MRC1: variants seen among roughly 807,000 people sequenced by gnomAD.
MRC1 encodes the protein macrophage mannose receptor 1.
MRC1 carries 62 observed loss-of-function variants against 102.9 expected under a neutral mutation model. The observed-to-expected ratio is 0.60, with a 90% confidence interval of 0.49 to 0.74. The LOEUF (loss-of-function observed/expected upper bound fraction) is 0.74, where lower values mean the gene tolerates loss of function less well. MRC1 is among the 30% of genes least tolerant of loss of function. The pLI is 0.00. For missense variants in MRC1, 1,237 were observed against 862.8 expected (o/e 1.43, Z -5.43); for synonymous variants, 457 against 298.4 (o/e 1.53, Z -5.48).
In MRC1 at chr10:17,884,073, C is replaced by T. The variant is rs973524389; in HGVS notation, c.2981-1196C>T. Among the ~76,000 whole-genome samples, 1,269 of 152,244 alleles carry T rather than the reference C, an allele frequency of 8.3e-3. 23 individuals carry two copies. Among genetic ancestry groups the T allele is most frequent in the African/African-American group, 0.028 (1,170 of 41,542 alleles). Reference sequence around the variant, plus strand: ...CCTCGACCTCCTGGGCTCAAGTAATCCTCCTGCCTCAGCCTTTTGAGAAGC... The same window carrying T: ...CCTCGACCTCCTGGGCTCAAGTAATTCTCCTGCCTCAGCCTTTTGAGAAGC... On this transcript the variant is annotated intron_variant, in intron 21 of 29. Transcript: ENST00000569591.
At chr10:17,887,099 C>T (rs1009387856) in intron 22 of MRC1, among the ~76,000 whole-genome samples, 78 of 152,278 alleles carry the variant, frequency 5.1e-4, no homozygotes, top group Non-Finnish European at 8.8e-4. Context: ...GTTGCTGTGT[C>T]TGTGAAGTAG....
At chr10:17,853,970 T>C (rs1833037300) in intron 8 of MRC1, among the ~76,000 whole-genome samples, 1 of 152,066 alleles carries the variant, frequency 6.6e-6, no homozygotes, top group South Asian at 2.1e-4. Flanking sequence ...TGTTGTTGTT[T>C]GTTTGTTTGT....
intron 7 of MRC1, among the ~76,000 whole-genome samples, chr10:17,852,208 A>G (rs1054860123): frequency 6.6e-6 from 1 of 152,214 alleles, no homozygotes; most frequent in African/African-American, 2.4e-5. Context: ...AATGTTCTCC[A>G]TAGAATTTCA....
At chr10:17,900,350 G>C (rs1375268009) in intron 24 of MRC1, among the ~76,000 whole-genome samples, 4 of 152,012 alleles carry the variant, frequency 2.6e-5, no homozygotes, top group African/African-American at 9.7e-5. Flanking sequence ...AGAATAATGA[G>C]AAGATATGAA....
At chr10:17,858,971 T>A (rs1366664444) in intron 9 of MRC1, among the ~76,000 whole-genome samples, 1 of 152,218 alleles carries the variant, frequency 6.6e-6, no homozygotes, top group Non-Finnish European at 1.5e-5. Flanking sequence ...TGTCAACATG[T>A]TTTTTAACCT....
chr10:17,900,163 A>T (rs1255777625), intron 24 of MRC1, among the ~76,000 whole-genome samples: 6 of 151,868 alleles, frequency 4.0e-5, no homozygotes, highest in African/African-American at 1.5e-4. Flanking sequence ...GGCTTTTTAC[A>T]TCATATATAT....
At chr10:17,820,526 G>A (rs1267683872) in intron 1 of MRC1, among the ~76,000 whole-genome samples, 1 of 152,130 alleles carries the variant, frequency 6.6e-6, no homozygotes, top group Non-Finnish European at 1.5e-5. Context: ...AAGACTGGTT[G>A]CCAATCAGTT....
At chr10:17,883,830 G>A (rs1428068068) in intron 21 of MRC1, among the ~76,000 whole-genome samples, 2 of 152,186 alleles carry the variant, frequency 1.3e-5, no homozygotes, top group East Asian at 1.9e-4. Context: ...CTGGAGGTAC[G>A]CTGAGGGAAG....
At chr10:17,896,386 A>T (rs1326942747) in intron 23 of MRC1, among the ~76,000 whole-genome samples, 1 of 152,152 alleles carries the variant, frequency 6.6e-6, no homozygotes, top group African/African-American at 2.4e-5. Flanking sequence ...ACTCTATAGC[A>T]CCAGAATCTT....
intron 2 of MRC1, among the ~76,000 whole-genome samples, chr10:17,823,890 C>A (rs1282189372): frequency 2.0e-5 from 3 of 152,162 alleles, no homozygotes; most frequent in Non-Finnish European, 4.4e-5. Flanking sequence ...ATCCATAGAA[C>A]ATTCTTTCCC....
intron 22 of MRC1, among the ~76,000 whole-genome samples, chr10:17,889,510 C>T (rs1401136598): frequency 3.9e-5 from 6 of 152,160 alleles, no homozygotes; most frequent in Non-Finnish European, 8.8e-5. Context: ...GGGCAATCCT[C>T]CTACCTTGGC....
chr10:17,848,496 A>G (rs1003564147), intron 6 of MRC1, among the ~76,000 whole-genome samples: 4 of 152,184 alleles, frequency 2.6e-5, no homozygotes, highest in Admixed American at 2.6e-4. Flanking sequence ...GCAGCGTATA[A>G]TCAAGATTAT....
chr10:17,894,350 G>A (rs1313453823), intron 23 of MRC1, 38 bp downstream of exon 23: 2 of 857,096 alleles, frequency 2.3e-6, no homozygotes, highest in Admixed American at 1.7e-5. Flanking sequence ...GAAAGAGCTG[G>A]GGTTTTTTTT....
At chr10:17,845,037 G>T in intron 5 of MRC1, 3 of 737,208 alleles carry the variant, frequency 4.1e-6, no homozygotes, top group Admixed American at 1.7e-5. Flanking sequence ...ATGGGGGAAA[G>T]GGTTGTTTCA....
At chr10:17,844,913 AT>A (rs1275559434) in intron 5 of MRC1, among the ~76,000 whole-genome samples, 12 of 151,190 alleles carry the variant, frequency 7.9e-5, no homozygotes, top group Non-Finnish European at 1.3e-4. Context: ...TGATGATTTC[AT>A]TTTTTTTTAT....
intron 9 of MRC1, among the ~76,000 whole-genome samples, chr10:17,859,498 A>C (rs1833146537): frequency 6.6e-6 from 1 of 152,100 alleles, no homozygotes; most frequent in South Asian, 2.1e-4. Flanking sequence ...TTGCATTTTC[A>C]GTCAAGACGG....
At chr10:17,856,390 C>T (rs1358661544) in intron 9 of MRC1, 38 bp downstream of exon 9, 4 of 819,922 alleles carry the variant, frequency 4.9e-6, no homozygotes, top group Admixed American at 2.0e-5. Flanking sequence ...AAGCTGAGCA[C>T]GTATGAGTTG....
chr10:17,906,837 C>A, intron 26 of MRC1, 49 bp from the exon 27 acceptor site: 1 of 780,442 alleles, frequency 1.3e-6, no homozygotes, highest in Non-Finnish European at 2.4e-6. Context: ...AAAATATTTT[C>A]AGCTACTTAA....
At chr10:17,908,630 G>A (rs1038458298) in intron 28 of MRC1, among the ~76,000 whole-genome samples, 10 of 150,860 alleles carry the variant, frequency 6.6e-5, no homozygotes, top group Non-Finnish European at 1.2e-4. Flanking sequence ...TGCCAGTGGC[G>A]TGATCTTGGC....
Sources: allele counts gnomAD v4.1 joint callset (sites outside exome capture counted in the v4.1 genomes callset), GRCh38; gene constraint gnomAD v4.1.1; transcripts MANE v1.5; gene names NCBI Gene and HGNC (gene_info 2026-07-23, HGNC 2026-07-21).